The following PXDNL variants were observed in gnomAD, a reference collection of about 807,000 sequenced individuals.
PXDNL encodes the protein peroxidasin like.
A neutral mutation model predicts 150.8 loss-of-function variants in PXDNL; 145 were observed. The observed-to-expected ratio is 0.96, with a 90% CI of 0.84 to 1.10. The LOEUF is 1.10. Among genes scored for constraint, PXDNL ranks in the 50% least tolerant of loss-of-function variants. The pLI is 0.00. For missense variants in PXDNL, 2,087 were observed against 1,873.9 expected (o/e 1.11, Z -2.10); for synonymous variants, 757 against 725.7 (o/e 1.04, Z -0.69).
rs553210278 is a variant in PXDNL at position 51,549,061 on chromosome 8, A to G, written c.380+7779T>C. On this transcript the variant is annotated intron_variant, in intron 4 of 22. Transcript: ENST00000356297. ...ATCAGACAAAACACACTATAAAGCA[A>G]TAACAGTTTAAAAAGACAAAAAGAG... Among the ~76,000 whole-genome samples the G allele has an allele frequency of 7.2e-5, 11 of 152,350 alleles. No homozygotes were observed. In the South Asian group the frequency reaches 1.4e-3, roughly 20 times the overall value.
intron 6 of PXDNL, among the ~76,000 whole-genome samples, chr8:51,481,961 C>T (rs951954223): frequency 6.6e-6 from 1 of 152,158 alleles, no homozygotes; most frequent in African/African-American, 2.4e-5. Context: ...GGTTGGAGCC[C>T]CCAGACAGAG....
At chr8:51,419,864 T>C (rs1006429019) in intron 14 of PXDNL, among the ~76,000 whole-genome samples, 3 of 152,180 alleles carry the variant, frequency 2.0e-5, no homozygotes, top group African/African-American at 7.2e-5. Flanking sequence ...ATAAAATACA[T>C]TGACAACATC....
intron 9 of PXDNL, among the ~76,000 whole-genome samples, chr8:51,457,154 T>G (rs1340634345): frequency 2.0e-5 from 3 of 152,230 alleles, no homozygotes; most frequent in Admixed American, 6.5e-5. Context: ...ATGTGTTGGA[T>G]TAATTCATGA....
intron 1 of PXDNL, among the ~76,000 whole-genome samples, chr8:51,715,539 A>T (rs1326192523): frequency 6.6e-6 from 1 of 152,170 alleles, no homozygotes; most frequent in Non-Finnish European, 1.5e-5. Context: ...ATAAGTGTTA[A>T]CTTCTCTGAT....
intron 1 of PXDNL, among the ~76,000 whole-genome samples, chr8:51,677,709 G>A (rs146522648): frequency 2.0e-5 from 3 of 152,256 alleles, no homozygotes; most frequent in Admixed American, 6.5e-5. Context: ...TAGAATGGTG[G>A]TTTCTTCTAA....
intron 14 of PXDNL, among the ~76,000 whole-genome samples, chr8:51,421,622 C>T (rs1808955880): frequency 6.6e-6 from 1 of 152,100 alleles, no homozygotes; most frequent in Non-Finnish European, 1.5e-5. Flanking sequence ...TTGCTTGAAC[C>T]CGAGAGTCGG....
chr8:51,799,995 C>G (rs1263322954), intron 1 of PXDNL, among the ~76,000 whole-genome samples: 1 of 152,122 alleles, frequency 6.6e-6, no homozygotes, highest in Non-Finnish European at 1.5e-5. Flanking sequence ...TCTTTGGAAT[C>G]TATTTTCCTC....
At chr8:51,703,343 G>A (rs1816296758) in intron 1 of PXDNL, among the ~76,000 whole-genome samples, 1 of 150,850 alleles carries the variant, frequency 6.6e-6, no homozygotes, top group Admixed American at 6.6e-5. Flanking sequence ...TGCACAGAAT[G>A]CAGCCAAAGA....
At chr8:51,642,926 T>C (rs1435044854) in intron 2 of PXDNL, among the ~76,000 whole-genome samples, 1 of 152,084 alleles carries the variant, frequency 6.6e-6, no homozygotes, top group East Asian at 1.9e-4. Context: ...AAATCATGAG[T>C]GAAATCCCAT....
intron 5 of PXDNL, among the ~76,000 whole-genome samples, chr8:51,485,097 G>T (rs964574431): frequency 4.6e-5 from 7 of 152,138 alleles, no homozygotes; most frequent in South Asian, 4.2e-4. Context: ...AAATCATGTG[G>T]CCATATTTTC....
chr8:51,460,738 T>C (rs548810343), intron 8 of PXDNL, among the ~76,000 whole-genome samples: 2 of 151,922 alleles, frequency 1.3e-5, no homozygotes, highest in African/African-American at 4.8e-5. Context: ...ACGACCCCCA[T>C]AGACATTTTA....
intron 17 of PXDNL, among the ~76,000 whole-genome samples, chr8:51,384,943 A>C (rs1203695898): frequency 6.6e-6 from 1 of 152,132 alleles, no homozygotes; most frequent in East Asian, 1.9e-4. Flanking sequence ...ATAAGGAAAA[A>C]ATTAAGAAAC....
intron 2 of PXDNL, among the ~76,000 whole-genome samples, chr8:51,648,044 G>C (rs1814960166): frequency 6.6e-6 from 1 of 152,132 alleles, no homozygotes; most frequent in Non-Finnish European, 1.5e-5. Context: ...ATAAAGGATA[G>C]CCTTTTTCAT....
intron 1 of PXDNL, among the ~76,000 whole-genome samples, chr8:51,759,337 G>A (rs2130992997): frequency 6.6e-6 from 1 of 152,266 alleles, no homozygotes; most frequent in Admixed American, 6.5e-5. Flanking sequence ...TGGCAGGCCA[G>A]CCCTGATGAA....
intron 4 of PXDNL, among the ~76,000 whole-genome samples, chr8:51,545,278 C>T (rs920925715): frequency 6.6e-6 from 1 of 152,134 alleles, no homozygotes; most frequent in Non-Finnish European, 1.5e-5. Flanking sequence ...TGATGAAAAA[C>T]ATCACAGTGA....
At chr8:51,734,093 A>T (rs1816988221) in intron 1 of PXDNL, among the ~76,000 whole-genome samples, 2 of 152,112 alleles carry the variant, frequency 1.3e-5, no homozygotes, top group South Asian at 4.1e-4. Context: ...AATTCCTGTC[A>T]TTACATGAAA....
intron 21 of PXDNL, among the ~76,000 whole-genome samples, chr8:51,322,207 T>C (rs1805343564): frequency 6.6e-6 from 1 of 152,174 alleles, no homozygotes. Flanking sequence ...CCCATTTTCT[T>C]GTATTCTGCT....
chr8:51,600,343 C>G (rs1007398519), intron 2 of PXDNL, among the ~76,000 whole-genome samples: 4 of 123,596 alleles, frequency 3.2e-5, no homozygotes, highest in East Asian at 2.3e-4. Flanking sequence ...TAAATTATAT[C>G]GTTTAGATAA....
intron 4 of PXDNL, among the ~76,000 whole-genome samples, chr8:51,519,733 G>A (rs566091113): frequency 6.6e-6 from 1 of 152,326 alleles, no homozygotes; most frequent in South Asian, 2.1e-4. Context: ...AGTGCCGAAA[G>A]GGTGAATTCT....
Sources: gnomAD v4.1 joint callset for allele counts (sites outside exome capture counted in the v4.1 genomes callset) on GRCh38, gnomAD v4.1.1 for gene constraint, MANE v1.5 for transcripts, NCBI Gene and HGNC (gene_info 2026-07-23, HGNC 2026-07-21) for gene names.